BCAS3: variants seen among roughly 807,000 people sequenced by gnomAD.
BCAS3 encodes BCAS3 microtubule associated cell migration factor, also known as BCAS4/BCAS3 fusion.
A neutral mutation model predicts 116.1 loss-of-function variants in BCAS3; 53 were observed. The observed-to-expected ratio is 0.46, with a 90% CI of 0.37 to 0.57. The LOEUF is 0.57. Ranked by LOEUF, BCAS3 falls within the 20% of genes least tolerant of loss-of-function variation. The pLI, the probability that BCAS3 is intolerant of heterozygous loss-of-function variation, is 0.00. For missense variants in BCAS3, 917 were observed against 1,165.4 expected, an observed-to-expected ratio of 0.79 and a Z score of 3.10; for synonymous variants, 391 against 408.2, an observed-to-expected ratio of 0.96 and a Z score of 0.51.
intron 22 of BCAS3, among the ~76,000 whole-genome samples, chr17:61,254,507 G>A (rs950288334): frequency 1.4e-4 from 22 of 151,954 alleles, no homozygotes; most frequent in African/African-American, 3.9e-4. Context: ...GGCGGGGCGC[G>A]GTGGCTCACG....
In BCAS3 at chr17:61,356,155, C is replaced by T. The variant is rs911748188; in HGVS notation, c.2426-12172C>T. On this transcript the variant is annotated intron_variant, in intron 22 of 23. Coordinates refer to ENST00000407086, the MANE Select transcript of BCAS3 (RefSeq NM_017679.5). This position sits in a 1 kb window ranked among gnomAD's most constrained non-coding sequence, Gnocchi z 5.4. Reference sequence around the variant, plus strand: ...GATTACAGGCGCCTGCCATCATGCCCGGCTGATTTTTGTATTTTTGTAGAG... The same window carrying T: ...GATTACAGGCGCCTGCCATCATGCCTGGCTGATTTTTGTATTTTTGTAGAG... 4.6e-5 allele frequency among the ~76,000 whole-genome samples: 7 copies of T among 152,058 alleles called. No homozygotes were observed. Among genetic ancestry groups the T allele is most frequent in the South Asian group, 2.1e-4 (1 of 4,820 alleles).
In BCAS3 at chr17:60,993,874, A is replaced by G. The variant is rs2063683525; in HGVS notation, c.1486+3639A>G. On this transcript the variant is annotated intron_variant, in intron 15 of 23. Transcript: ENST00000407086. This position sits in a 1 kb window ranked among gnomAD's most constrained non-coding sequence, Gnocchi z 4.2. ...AGTTTAGGTTAGGATTATTTTATCTATTTGCCAATTTTTTTAACTTTCCAG... is the reference window on the plus strand; with the variant it reads ...AGTTTAGGTTAGGATTATTTTATCTGTTTGCCAATTTTTTTAACTTTCCAG... Among the ~76,000 whole-genome samples, 1 of 151,998 alleles carries G rather than the reference A, an allele frequency of 6.6e-6. No individual in the cohort carries two copies. Among genetic ancestry groups the G allele is most frequent in the African/African-American group, 2.4e-5 (1 of 41,406 alleles).
intron 15 of BCAS3, among the ~76,000 whole-genome samples, chr17:60,997,837 T>C (rs1248494745): frequency 6.6e-6 from 1 of 152,196 alleles, no homozygotes; most frequent in Non-Finnish European, 1.5e-5. Context: ...TTCCACTTTC[T>C]GCCTATTATT....
intron 13 of BCAS3, among the ~76,000 whole-genome samples, chr17:60,937,232 G>GT (rs553397007): frequency 1.1e-3 from 155 of 145,642 alleles, no homozygotes; most frequent in Admixed American, 2.7e-3. Context: ...CCATATATCT[G>GT]TTTTTTTTTT....
At position 61,343,118 on chromosome 17, in the gene BCAS3, C is replaced by A. The variant is rs187046654; in HGVS notation, c.2426-25209C>A. On this transcript the variant is annotated intron_variant, in intron 22 of 23. Coordinates refer to ENST00000407086, the MANE Select transcript of BCAS3 (RefSeq NM_017679.5). This position sits in a 1 kb window ranked among gnomAD's most constrained non-coding sequence, Gnocchi z 5.5. ...CCACCTTATCCTATTTTCCCAGGCT[C>A]CTGGGCCACCGAGGAGGGTCAATTC... Among the ~76,000 whole-genome samples the A allele has an allele frequency of 1.5e-3, 226 of 152,294 alleles. 1 individual carries two copies. The highest frequency in any genetic ancestry group is 2.8e-3 in the Non-Finnish European group (189 of 68,024).
chr17:61,359,500 G>GTT (rs71150609), intron 22 of BCAS3, among the ~76,000 whole-genome samples: 366 of 142,870 alleles, frequency 2.6e-3, no homozygotes, highest in East Asian at 8.1e-3. Context: ...TCAAGGTTTT[G>GTT]TTTTTTTTTT....
intron 6 of BCAS3, among the ~76,000 whole-genome samples, chr17:60,796,269 T>C (rs2047205040): frequency 6.6e-6 from 1 of 152,222 alleles, no homozygotes; most frequent in African/African-American, 2.4e-5. Flanking sequence ...GGGTTCCTCC[T>C]TTCTCTATCT....
rs2078149196 is a variant in BCAS3, at chr17:61,161,198, G to A, written c.2425+76634G>A. Among the ~76,000 whole-genome samples the A allele has an allele frequency of 6.6e-6, 1 of 152,182 alleles. No individual in the cohort carries two copies. Among genetic ancestry groups the A allele is most frequent in the African/African-American group, 2.4e-5 (1 of 41,436 alleles). ...TTCATTTTTAGTATACTGTATTTCAGCAGCAAGAGTTGCAATCTGAGAGTA... is the reference window on the plus strand; with the variant it reads ...TTCATTTTTAGTATACTGTATTTCAACAGCAAGAGTTGCAATCTGAGAGTA... On this transcript the variant is annotated intron_variant, in intron 22 of 23. Coordinates refer to ENST00000407086, the MANE Select transcript of BCAS3 (RefSeq NM_017679.5). The surrounding 1 kb of genome is among the most constrained non-coding windows in gnomAD (Gnocchi z 4.8).
chr17:60,740,614 A>G (rs1265423386), intron 5 of BCAS3, among the ~76,000 whole-genome samples: 1 of 152,098 alleles, frequency 6.6e-6, no homozygotes, highest in Non-Finnish European at 1.5e-5. Flanking sequence ...GAGGGAAACC[A>G]TTCTACAGTC....
intron 6 of BCAS3, among the ~76,000 whole-genome samples, chr17:60,755,634 C>T (rs2042924085): frequency 6.6e-6 from 1 of 152,086 alleles, no homozygotes; most frequent in African/African-American, 2.4e-5. Context: ...TATTTTGTAG[C>T]TTTTTATTAA....
chr17:60,727,203 C>T, intron 5 of BCAS3: 1 of 920,498 alleles, frequency 1.1e-6, no homozygotes, highest in Non-Finnish European at 1.8e-6. Flanking sequence ...TTCTTATCTC[C>T]TCCCGGTTCA....
intron 6 of BCAS3, among the ~76,000 whole-genome samples, chr17:60,769,579 C>A (rs2044452899): frequency 6.6e-6 from 1 of 151,982 alleles, no homozygotes; most frequent in Non-Finnish European, 1.5e-5. Flanking sequence ...AGGGGGAGGG[C>A]CCCCCTCAGT....
chr17:60,740,814 C>G (rs192292490), intron 5 of BCAS3, among the ~76,000 whole-genome samples: 56 of 152,188 alleles, frequency 3.7e-4, no homozygotes, highest in African/African-American at 1.3e-3. Context: ...CTGTCGAGGC[C>G]AGGCTTTGTT....
At chr17:60,703,914 C>G (rs1472225553) in intron 4 of BCAS3, among the ~76,000 whole-genome samples, 1 of 134,392 alleles carries the variant, frequency 7.4e-6, no homozygotes, top group African/African-American at 3.0e-5. Flanking sequence ...CAGACACCGT[C>G]TCAAAAAAAA....
chr17:61,269,913 T>C (rs1330228938), intron 22 of BCAS3, among the ~76,000 whole-genome samples: 1 of 151,044 alleles, frequency 6.6e-6, no homozygotes. Context: ...AAACGATTCT[T>C]GTGCCTCAGT....
intron 22 of BCAS3, among the ~76,000 whole-genome samples, chr17:61,328,070 GA>G (rs1048982119): frequency 1.5e-4 from 23 of 151,178 alleles, no homozygotes; most frequent in African/African-American, 3.4e-4. Context: ...AACGGCAAAG[GA>G]AAAAAAATGA....
chr17:60,829,639 A>G (rs1175599118), intron 7 of BCAS3, among the ~76,000 whole-genome samples: 3 of 152,112 alleles, frequency 2.0e-5, no homozygotes, highest in Non-Finnish European at 4.4e-5. Flanking sequence ...TTTGGTGTAC[A>G]TTTCTGTTTG....
intron 22 of BCAS3, among the ~76,000 whole-genome samples, chr17:61,297,175 A>G (rs1429596757): frequency 6.6e-6 from 1 of 152,208 alleles, no homozygotes; most frequent in East Asian, 1.9e-4. Flanking sequence ...GCTCCATGAC[A>G]GTCAATGCAT....
chr17:60,786,610 A>T (rs1209271653), intron 6 of BCAS3, among the ~76,000 whole-genome samples: 2 of 151,600 alleles, frequency 1.3e-5, no homozygotes, highest in Non-Finnish European at 2.9e-5. Context: ...AAATCTATGT[A>T]TATTACTATA....
Sources: gnomAD v4.1 joint callset for allele counts (sites outside exome capture counted in the v4.1 genomes callset) on GRCh38, gnomAD v4.1.1 for gene constraint, Gnocchi (gnomAD v3.1) non-coding constraint, MANE v1.5 for transcripts, NCBI Gene and HGNC (gene_info 2026-07-23, HGNC 2026-07-21) for gene names.